LARGE1: variants seen among roughly 807,000 people sequenced by gnomAD.
The protein encoded by LARGE1 is xylosyl- and glucuronyltransferase LARGE1.
Under a neutral mutation model 87.6 loss-of-function variants are expected in LARGE1, and 43 were observed. The ratio of observed to expected loss-of-function variants is 0.49; its 90% CI spans 0.38 to 0.63. LARGE1 has a LOEUF of 0.63. Ranked by LOEUF, LARGE1 falls within the 30% of genes least tolerant of loss-of-function variation. The pLI, the probability that LARGE1 is intolerant of heterozygous loss-of-function variation, is 0.00. For synonymous variants in LARGE1, 434 were observed against 394.6 expected (o/e 1.10, Z -1.18); for missense variants, 802 against 1,000.2 (o/e 0.80, Z 2.67).
the LARGE1 span, among the ~76,000 whole-genome samples, chr22:33,142,700 T>A: frequency 6.6e-6 from 1 of 152,208 alleles, no homozygotes; most frequent in African/African-American, 2.4e-5. Context: ...CCAAAGTTTT[T>A]AATGTTTGTT....
At chr22:33,490,085 G>A (rs750272035) in intron 6 of LARGE1, among the ~76,000 whole-genome samples, 2 of 152,196 alleles carry the variant, frequency 1.3e-5, no homozygotes, top group African/African-American at 2.4e-5. Context: ...AGCTAGGGGG[G>A]CTCTGCTTAG....
At chr22:33,416,474 C>T (rs2066487477) in intron 7 of LARGE1, among the ~76,000 whole-genome samples, 1 of 152,178 alleles carries the variant, frequency 6.6e-6, no homozygotes, top group Non-Finnish European at 1.5e-5. Context: ...CATCATAGTG[C>T]AGGCCACATT....
rs181347171 is a variant in LARGE1, at chr22:33,809,143, G to A, written c.-82-47585C>T. On this transcript the variant is annotated intron_variant, in intron 1 of 14. Coordinates refer to ENST00000397394, the MANE Select transcript of LARGE1 (RefSeq NM_133642.5). Reference sequence around the variant, plus strand: ...AAAAATTAGCTGGGCGTGGTAGTGGGTGCCTGTAATCCCAGCTACTCAGGA... The same window carrying A: ...AAAAATTAGCTGGGCGTGGTAGTGGATGCCTGTAATCCCAGCTACTCAGGA... Among the ~76,000 whole-genome samples, 804 of 152,066 alleles carry A rather than the reference G, an allele frequency of 5.3e-3. 6 individuals are homozygous for A. Among genetic ancestry groups the A allele is most frequent in the African/African-American group, 0.018 (759 of 41,498 alleles).
the LARGE1 span, among the ~76,000 whole-genome samples, chr22:33,120,083 A>G: frequency 1.3e-5 from 2 of 152,216 alleles, no homozygotes; most frequent in Non-Finnish European, 2.9e-5. Flanking sequence ...ATTTGAAATT[A>G]GTAAATATAT....
chr22:33,882,932 A>G (rs1260810624), intron 1 of LARGE1, among the ~76,000 whole-genome samples: 1 of 152,086 alleles, frequency 6.6e-6, no homozygotes, highest in South Asian at 2.1e-4. Flanking sequence ...AATCACCCCC[A>G]TCTCTCCACA....
intron 11 of LARGE1, among the ~76,000 whole-genome samples, chr22:33,182,505 A>G (rs1050330964): frequency 1.3e-5 from 2 of 151,996 alleles, no homozygotes; most frequent in African/African-American, 4.8e-5. Flanking sequence ...AAATAGTGTC[A>G]GACCCTGAAT....
intron 9 of LARGE1, among the ~76,000 whole-genome samples, chr22:33,339,438 CAGCACTCAGACTGTA>C (rs1176240265): frequency 1.3e-5 from 2 of 152,010 alleles, no homozygotes; most frequent in African/African-American, 4.8e-5. Context: ...GGCCCATGGT[CAGCACTCAGACTGTA>C]GGTACTGCAG....
At chr22:33,137,398 T>C in the LARGE1 span, 2 of 153,002 alleles carry the variant, frequency 1.3e-5, no homozygotes, top group African/African-American at 4.8e-5. Context: ...ATTCAAGAGG[T>C]GACTTGGGTG....
In LARGE1 at chr22:33,807,219, T is replaced by C. The variant is rs149007237; in HGVS notation, c.-82-45661A>G. Among the ~76,000 whole-genome samples the C allele has an allele frequency of 2.2e-4, 34 of 152,316 alleles. 1 individual carries two copies. In the East Asian group the frequency reaches 4.4e-3, roughly 20 times the overall value. On this transcript the variant is annotated intron_variant, in intron 1 of 14. Coordinates refer to ENST00000397394, the MANE Select transcript of LARGE1 (RefSeq NM_133642.5). The stretch of plus-strand genomic sequence containing the variant: ...AACTTCTCTGTGCTCAGTTTCATTA[T>C]CTGCACAATCAGGAGGACAGTCATG...
the LARGE1 span, among the ~76,000 whole-genome samples, chr22:33,067,545 T>A: frequency 6.6e-6 from 1 of 152,146 alleles, no homozygotes; most frequent in Non-Finnish European, 1.5e-5. Flanking sequence ...TATTAATACC[T>A]CCATTTTAAA....
At chr22:33,730,247 T>G (rs1192572287) in intron 2 of LARGE1, among the ~76,000 whole-genome samples, 2 of 152,350 alleles carry the variant, frequency 1.3e-5, no homozygotes, top group Admixed American at 6.5e-5. Flanking sequence ...ATGTTCTTAA[T>G]AACAATTTCT....
At chr22:33,848,130 C>G (rs2063484984) in intron 1 of LARGE1, among the ~76,000 whole-genome samples, 2 of 152,204 alleles carry the variant, frequency 1.3e-5, no homozygotes, top group South Asian at 2.1e-4. Context: ...GCAATCAAAA[C>G]TAAATCAGGC....
rs1601816355 is a variant in LARGE1 at position 33,432,168 on chromosome 22, G to A, written c.885C>T (p.Tyr295=). ...ACCACCCTGAGGATTTACCTGTGTT[G>A]TAGCCTCTTCCAAGGGCTGGCCATG... is the stretch of plus-strand genomic sequence containing the variant. The part of the protein sequence containing the change: ...HRPWPALGRG[Y]NTGVILLLLD... The change falls in exon 7 of 15, where the codon TAC becomes TAT. Residue 295 remains tyrosine, a synonymous_variant. Transcript: ENST00000397394. 1 of 1,613,154 alleles carries A rather than the reference G, an allele frequency of 6.2e-7. No individual in the cohort carries two copies. The highest frequency in any genetic ancestry group is 1.6e-4 in the Middle Eastern group (1 of 6,062).
At chr22:33,155,273 G>T in the LARGE1 span, among the ~76,000 whole-genome samples, 3 of 152,280 alleles carry the variant, frequency 2.0e-5, no homozygotes, top group East Asian at 5.8e-4. Flanking sequence ...GGAACACTTT[G>T]GAGGGCTCAG....
Position 33,444,811 on chromosome 22 carries a change from C to T in LARGE1, c.788-12546G>A, listed in dbSNP as rs1359190256. Among the ~76,000 whole-genome samples the T allele has an allele frequency of 2.0e-5, 3 of 152,012 alleles. No individual in the cohort carries two copies. The East Asian group carries it at 5.8e-4, about 30-fold the overall frequency. ...CAAGCAGGGCTGAGGCGGTCCCTTC[C>T]CTCAGTGGAGCTTACAGTTTTATTT... On this transcript the variant is annotated intron_variant, in intron 6 of 14. Transcript: ENST00000397394.
intron 7 of LARGE1, among the ~76,000 whole-genome samples, chr22:33,391,765 CTT>C (rs1034572374): frequency 1.8e-3 from 117 of 63,818 alleles, no homozygotes; most frequent in Middle Eastern, 7.1e-3. Flanking sequence ...TTCCTTTTTC[CTT>C]TTTTTTTTTT....
intron 2 of LARGE1, among the ~76,000 whole-genome samples, chr22:33,668,573 C>A (rs999086266): frequency 1.3e-5 from 2 of 152,176 alleles, no homozygotes; most frequent in African/African-American, 4.8e-5. Context: ...AAATAATACT[C>A]CTTTAGATCG....
intron 6 of LARGE1, among the ~76,000 whole-genome samples, chr22:33,442,658 G>A (rs934040024): frequency 2.0e-5 from 3 of 152,092 alleles, no homozygotes; most frequent in Non-Finnish European, 4.4e-5. Context: ...TTCTCATCAA[G>A]AACATCCCCA....
At chr22:33,747,307 T>C (rs2084125655) in intron 2 of LARGE1, among the ~76,000 whole-genome samples, 1 of 152,026 alleles carries the variant, frequency 6.6e-6, no homozygotes, top group Non-Finnish European at 1.5e-5. Context: ...CCTGACCTCA[T>C]CCACCATGTT....
Sources: gnomAD v4.1 joint callset for allele counts (sites outside exome capture counted in the v4.1 genomes callset) on GRCh38, gnomAD v4.1.1 for gene constraint, MANE v1.5 for transcripts, NCBI Gene and HGNC (gene_info 2026-07-23, HGNC 2026-07-21) for gene names.